Variants in UTP15 observed in about 807,000 individuals in gnomAD.
UTP15 encodes the protein U3 small nucleolar RNA-associated protein 15 homolog.
Under a neutral mutation model 59.1 loss-of-function variants are expected in UTP15, and 5 were observed. The observed-to-expected ratio is 0.08, with a 90% confidence interval of 0.04 to 0.18. UTP15 has a LOEUF of 0.18. Ranked by LOEUF, UTP15 falls within the 10% of genes least tolerant of loss-of-function variation. The pLI is 1.00. For missense variants in UTP15, 494 were observed against 616.7 expected, an observed-to-expected ratio of 0.80 and a Z score of 2.11; for synonymous variants, 211 against 212.2, an observed-to-expected ratio of 0.99 and a Z score of 0.05.
chr5:73,582,933 A>T lies in UTP15; in HGVS notation c.*2839A>T, dbSNP rs1748367571. The stretch of plus-strand genomic sequence containing the variant: ...ATGTTTAATTTATTATGTTTATGAG[A>T]TTTAAGCACTTGGGAAGGTTTATGC... On this transcript the variant is annotated 3_prime_UTR_variant, in exon 13 of 13. Coordinates refer to ENST00000296792, the MANE Select transcript of UTP15 (RefSeq NM_032175.4). 6.6e-6 allele frequency: 1 copy of T among 152,212 alleles called. No homozygotes were observed. Among genetic ancestry groups the T allele is most frequent in the Non-Finnish European group, 1.5e-5 (1 of 68,040 alleles). The allele number at this position is 152,212 out of a possible 1,614,324, so 9.4% of individuals were successfully genotyped here. A position where few individuals can be genotyped will look rare whatever the true frequency, so the allele number is the denominator to read the frequency against.
chr5:73,576,463 G>A (rs1289188860), intron 7 of UTP15, among the ~76,000 whole-genome samples: 6 of 149,654 alleles, frequency 4.0e-5, no homozygotes, highest in African/African-American at 1.5e-4. Context: ...TATAGTTAGG[G>A]CTGGTATACA....
intron 7 of UTP15, among the ~76,000 whole-genome samples, chr5:73,574,910 T>C (rs1748046553): frequency 6.6e-6 from 1 of 152,218 alleles, no homozygotes; most frequent in Non-Finnish European, 1.5e-5. Flanking sequence ...TGAGGAGAAT[T>C]GGTTGTGGAT....
At chr5:73,577,435 T>C (rs113441928) in intron 8 of UTP15, among the ~76,000 whole-genome samples, 14 of 152,342 alleles carry the variant, frequency 9.2e-5, no homozygotes, top group African/African-American at 3.4e-4. Context: ...GTTACTGCTC[T>C]TTCTGAAATG....
chr5:73,571,881 G>A (rs1038314568), intron 6 of UTP15, among the ~76,000 whole-genome samples: 15 of 152,244 alleles, frequency 9.9e-5, no homozygotes, highest in African/African-American at 3.4e-4. Context: ...AGAATAGAAA[G>A]CTGTGTGCTG....
intron 7 of UTP15, among the ~76,000 whole-genome samples, chr5:73,573,415 T>C (rs1420619640): frequency 6.6e-6 from 1 of 151,590 alleles, no homozygotes. Context: ...GCCTGGCTAA[T>C]TTTTGTATTT....
At position 73,580,527 on chromosome 5, in the gene UTP15, C is replaced by G. The variant is rs1375375150; in HGVS notation, c.*433C>G. ...AACAATTGGCAACAACAAAAAGCCTCTTTCTTGACTTTAATCAGTGCCTTT... is the reference window on the plus strand; with the variant it reads ...AACAATTGGCAACAACAAAAAGCCTGTTTCTTGACTTTAATCAGTGCCTTT... On this transcript the variant is annotated 3_prime_UTR_variant, in exon 13 of 13. Transcript: ENST00000296792. The G allele has an allele frequency of 6.5e-6, 1 of 153,920 alleles. No homozygotes were observed. The highest frequency in any genetic ancestry group is 1.4e-5 in the Non-Finnish European group (1 of 69,438). The allele number at this position is 153,920 out of a possible 1,614,324, so 9.5% of individuals were successfully genotyped here. A position where few individuals can be genotyped will look rare whatever the true frequency, so the allele number is the denominator to read the frequency against.
At chr5:73,579,558 G>A (rs1748235982) in intron 12 of UTP15, among the ~76,000 whole-genome samples, 183 bp downstream of exon 12, 1 of 152,116 alleles carries the variant, frequency 6.6e-6, no homozygotes, top group African/African-American at 2.4e-5. Context: ...ATAGTGGTGT[G>A]ACTTTGAATT....
At chr5:73,568,016 T>G (rs1427254047) in intron 2 of UTP15, among the ~76,000 whole-genome samples, 1 of 151,922 alleles carries the variant, frequency 6.6e-6, no homozygotes, top group Non-Finnish European at 1.5e-5. Flanking sequence ...AGAGACAGAG[T>G]GGGGTGTGGC....
chr5:73,577,968 G>A lies in UTP15; in HGVS notation c.1007G>A (p.Arg336Gln), dbSNP rs777964986. 1.5e-5 allele frequency: 23 copies of A among 1,580,560 alleles called. No individual in the cohort carries two copies. The highest frequency in any genetic ancestry group is 6.1e-5 in the Admixed American group (3 of 48,906). Residue 336 changes from arginine (R) to glutamine (Q), a missense_variant, in exon 9 of 13, where the codon CGA becomes CAA. Transcript: ENST00000296792. The stretch of plus-strand genomic sequence containing the variant: ...CCCAGAAGAAGAAGGCCTGCATATC[G>A]AACCTTTATTAAAGGAAAAAATTAC... ...SLPRRRRPAY[R>Q]TFIKGKNYMK... is the part of the protein sequence containing the mutation.
Position 73,568,295 on chromosome 5 carries a change from C to G in UTP15, c.151C>G (p.Pro51Ala). The change falls in exon 3 of 13, where the codon CCA becomes GCA. Residue 51 changes from proline (P) to alanine (A), a missense_variant. By Grantham distance (27) the Pro-to-Ala change is conservative (BLOSUM62 -1). Transcript: ENST00000296792. ...VSKVDFSPQPPYNYAVTASSR... is the reference protein window; with the variant it reads ...VSKVDFSPQPAYNYAVTASSR... The stretch of plus-strand genomic sequence containing the variant: ...AAAAGTAGACTTTTCTCCTCAGCCT[C>G]CATATAATTATGCTGTCACAGCTTC... 1 of 1,610,982 alleles carries G rather than the reference C, an allele frequency of 6.2e-7. No homozygotes were observed.
chr5:73,565,763 T>C lies in UTP15; in HGVS notation c.-233T>C, dbSNP rs1428812107. ...CTGGTACGTCATCTTCGCGCGACGT[T>C]CGGTTCGCTGTGTGTGTCGCCGGCT... On this transcript the variant is annotated 5_prime_UTR_variant, in exon 1 of 13. Transcript: ENST00000296792. 2 of 456,142 alleles carry C rather than the reference T, an allele frequency of 4.4e-6. No individual in the cohort carries two copies. 28.3% of individuals were successfully genotyped at this position (456,142 alleles called of 1,614,324 possible). A position where few individuals can be genotyped will look rare whatever the true frequency, so the allele number is the denominator to read the frequency against.
rs1307099099 is a variant in UTP15, at chr5:73,578,815, A to G, written c.1109A>G (p.His370Arg). ...HLELYDRDLK[H>R]FRISKALDRV... is the part of the protein sequence containing the mutation. ...GAATTGTATGACAGGGATCTGAAACATTTTCGGATCTCTAAGGCACTCGAT... is the reference window on the plus strand; with the variant it reads ...GAATTGTATGACAGGGATCTGAAACGTTTTCGGATCTCTAAGGCACTCGAT... The change falls in exon 10 of 13, where the codon CAT becomes CGT. Residue 370 changes from histidine to arginine, a missense_variant. His to Arg is a conservative substitution (Grantham distance 29). Transcript: ENST00000296792. 1.2e-6 allele frequency: 2 copies of G among 1,613,842 alleles called. No individual in the cohort carries two copies. Among genetic ancestry groups the G allele is most frequent in the African/African-American group, 1.3e-5 (1 of 74,914 alleles).
rs747054752 is a variant in UTP15 at position 73,577,981 on chromosome 5, A to G, written c.1020A>G (p.Lys340=). ...GGCCTGCATATCGAACCTTTATTAA[A>G]GGAAAAAATTACATGAAGCAACGGG... ...RRRPAYRTFI[K]GKNYMKQRDD... is the part of the protein sequence containing the mutation. The change falls in exon 9 of 13, where the codon AAA becomes AAG. Residue 340 remains lysine, a synonymous_variant. Transcript: ENST00000296792. 5 of 1,580,422 alleles carry G rather than the reference A, an allele frequency of 3.2e-6. No homozygotes were observed. In the South Asian group the frequency reaches 5.9e-5, roughly 19 times the overall value.
At chr5:73,571,490 TG>T (rs1747930464) in intron 6 of UTP15, among the ~76,000 whole-genome samples, 1 of 152,016 alleles carries the variant, frequency 6.6e-6, no homozygotes, top group Non-Finnish European at 1.5e-5. Flanking sequence ...AAAGTAAAAA[TG>T]TGTTCATATT....
chr5:73,578,967 T>A (rs1159383408), intron 10 of UTP15, 50 bp from the exon 11 acceptor site: 1 of 1,605,350 alleles, frequency 6.2e-7, no homozygotes. Context: ...AGACAGTGAT[T>A]TTTTTTGTGC....
At chr5:73,567,457 G>T (rs371813602) in intron 2 of UTP15, 23 bp downstream of exon 2, 6 of 1,547,856 alleles carry the variant, frequency 3.9e-6, no homozygotes, top group Non-Finnish European at 5.3e-6. Flanking sequence ...CGTAATGAGG[G>T]AGAAGGGATT....
In UTP15 at chr5:73,569,691, T is replaced by A; in HGVS notation, c.547+16T>A. 6.4e-7 allele frequency: 1 copy of A among 1,572,934 alleles called. No homozygotes were observed. On this transcript the variant is annotated intron_variant, in intron 5 of 12. Transcript: ENST00000296792. ...TTTATAACAGGTTGGTGAACTCTAT[T>A]CCCTCCTGAAGCAAATAATCTCACG... is the stretch of plus-strand genomic sequence containing the variant.
Position 73,565,898 on chromosome 5 carries a change from TG to T in UTP15, c.-94del. The T allele has an allele frequency of 2.2e-6, 1 of 456,286 alleles. No individual in the cohort carries two copies. The highest frequency in any genetic ancestry group is 4.4e-6 in the Non-Finnish European group (1 of 226,960). The allele number at this position is 456,286 out of a possible 1,614,324, so 28.3% of individuals were successfully genotyped here. A position where few individuals can be genotyped will look rare whatever the true frequency, so the allele number is the denominator to read the frequency against. On this transcript the variant is annotated 5_prime_UTR_variant, in exon 1 of 13. Transcript: ENST00000296792. ...GGTCGAGGTGTCTCGTCGGACCCTT[TG>T]GGGCTCAGTGGAGGTAGGTGAAGGC... is the stretch of plus-strand genomic sequence containing the variant.
rs1358105002 is a variant in UTP15 at position 73,570,814 on chromosome 5, ATCTAAG to A, written c.673+107_673+112del. The A allele has an allele frequency of 3.4e-6, 5 of 1,488,364 alleles. No homozygotes were observed. In the East Asian group the frequency reaches 1.1e-4, roughly 34 times the overall value. The allele number at this position is 1,488,364 out of a possible 1,614,324, so 92.2% of individuals were successfully genotyped here. ...TTATCAGTGTGCATTTGAATTGCAT[ATCTAAG>A]TCTTTGTTCAAACAGTTGATAGGTA... On this transcript the variant is annotated intron_variant, in intron 6 of 12. Coordinates refer to ENST00000296792, the MANE Select transcript of UTP15 (RefSeq NM_032175.4).
Sources: allele counts gnomAD v4.1 joint callset (sites outside exome capture counted in the v4.1 genomes callset), GRCh38; gene constraint gnomAD v4.1.1; transcripts MANE v1.5; gene names NCBI Gene and HGNC (gene_info 2026-07-23, HGNC 2026-07-21).